Variants in MMS22L observed in about 807,000 individuals in gnomAD.
The protein encoded by MMS22L is protein MMS22-like.
Under a neutral mutation model 159.1 loss-of-function variants are expected in MMS22L, and 74 were observed. The observed-to-expected ratio is 0.47, with a 90% CI of 0.39 to 0.56. MMS22L has a LOEUF of 0.56. MMS22L is among the 20% of genes least tolerant of loss of function. The probability of loss-of-function intolerance (pLI) is 0.00; values close to 1 mark genes in which losing one functional copy is unlikely to be tolerated. For missense variants in MMS22L, 1,351 were observed against 1,422.1 expected, an observed-to-expected ratio of 0.95 and a Z score of 0.80; for synonymous variants, 517 against 506.9, an observed-to-expected ratio of 1.02 and a Z score of -0.27.
chr6:97,145,178 C>T lies in MMS22L; in HGVS notation c.*1628G>A, dbSNP rs888661903. On this transcript the variant is annotated 3_prime_UTR_variant, in exon 25 of 25. Transcript: ENST00000683635. ...CATACATTATTTGTTTAGTAAGTCACTATCATGATGAAAAGAAATTCAGTG... is the reference window on the plus strand; with the variant it reads ...CATACATTATTTGTTTAGTAAGTCATTATCATGATGAAAAGAAATTCAGTG... 3 of 152,016 alleles carry T rather than the reference C, an allele frequency of 2.0e-5. No individual in the cohort carries two copies. The highest frequency in any genetic ancestry group is 7.3e-5 in the African/African-American group (3 of 41,378). The allele number at this position is 152,016 out of a possible 1,614,324, so 9.4% of individuals were successfully genotyped here.
chr6:97,149,852 C>T lies in MMS22L; in HGVS notation c.3650+1G>A, dbSNP rs1274573992. On this transcript the variant is annotated splice_donor_variant, in intron 24 of 24. Transcript: ENST00000683635. LOFTEE classifies it high-confidence loss of function. ...CAATGTAATTAAATTATCAAACATACCTTTGTGCTATATTCCTGCCAAGGC... is the reference window on the plus strand; with the variant it reads ...CAATGTAATTAAATTATCAAACATATCTTTGTGCTATATTCCTGCCAAGGC... 4 of 1,601,588 alleles carry T rather than the reference C, an allele frequency of 2.5e-6. No homozygotes were observed. The Admixed American group carries it at 5.1e-5, about 21-fold the overall frequency.
intron 22 of MMS22L, among the ~76,000 whole-genome samples, chr6:97,161,589 G>A (rs1011991424): frequency 6.6e-6 from 1 of 151,890 alleles, no homozygotes; most frequent in Non-Finnish European, 1.5e-5. Flanking sequence ...GACCCCTACC[G>A]GTTTGCCTCA....
intron 14 of MMS22L, among the ~76,000 whole-genome samples, chr6:97,215,167 A>C (rs1195822148): frequency 6.7e-6 from 1 of 150,254 alleles, no homozygotes; most frequent in East Asian, 1.9e-4. Flanking sequence ...AGAGCTCAAG[A>C]TTCCTTGAAA....
intron 14 of MMS22L, among the ~76,000 whole-genome samples, chr6:97,191,010 C>T (rs1805805541): frequency 6.6e-6 from 1 of 152,188 alleles, no homozygotes; most frequent in African/African-American, 2.4e-5. Flanking sequence ...TCATTATCTT[C>T]AAGTATTTTC....
intron 14 of MMS22L, among the ~76,000 whole-genome samples, chr6:97,210,875 A>G (rs558608475): frequency 6.6e-5 from 10 of 152,106 alleles, no homozygotes; most frequent in African/African-American, 2.2e-4. Context: ...GCCACTTACC[A>G]TCTTCCATGA....
chr6:97,274,421 C>T (rs1206971267), intron 4 of MMS22L, among the ~76,000 whole-genome samples: 2 of 152,156 alleles, frequency 1.3e-5, no homozygotes, highest in Non-Finnish European at 2.9e-5. Flanking sequence ...TGAACATCTG[C>T]ATCCAGGCAA....
At chr6:97,180,104 T>A (rs1318169173) in intron 16 of MMS22L, among the ~76,000 whole-genome samples, 1 of 152,172 alleles carries the variant, frequency 6.6e-6, no homozygotes, top group African/African-American at 2.4e-5. Context: ...TGGTTTTTTT[T>A]TTCTCTTTTT....
chr6:97,240,884 C>T (rs544282809), intron 11 of MMS22L, among the ~76,000 whole-genome samples: 2 of 152,274 alleles, frequency 1.3e-5, no homozygotes, highest in African/African-American at 2.4e-5. Context: ...GCCTTGGCCT[C>T]CCAAAGTGCT....
rs759391998 is a variant in MMS22L, at chr6:97,233,817, A to G, written c.1302+44T>C. 3 of 1,554,120 alleles carry G rather than the reference A, an allele frequency of 1.9e-6. No individual in the cohort carries two copies. In the South Asian group the frequency reaches 3.7e-5, roughly 19 times the overall value. On this transcript the variant is annotated intron_variant, in intron 12 of 24. Coordinates refer to ENST00000683635, the MANE Select transcript of MMS22L (RefSeq NM_001350599.2). ...TAAAGACATTCCTCAAATATGTACA[A>G]ATTTTTAAAATTCCTGGAGCAAATT...
chr6:97,206,382 T>TGTACAC (rs144847883), intron 14 of MMS22L, among the ~76,000 whole-genome samples: 1 of 146,738 alleles, frequency 6.8e-6, no homozygotes, highest in South Asian at 2.2e-4. Flanking sequence ...ACCTCGCATG[T>TGTACAC]ACACACACAC....
Position 97,146,100 on chromosome 6 carries a change from T to G in MMS22L, c.*706A>C, listed in dbSNP as rs975204815. 1.3e-5 allele frequency: 2 copies of G among 150,916 alleles called. No individual in the cohort carries two copies. Among genetic ancestry groups the G allele is most frequent in the African/African-American group, 4.9e-5 (2 of 41,064 alleles). 9.3% of individuals were successfully genotyped at this position (150,916 alleles called of 1,614,324 possible). On this transcript the variant is annotated 3_prime_UTR_variant, in exon 25 of 25. Coordinates refer to ENST00000683635, the MANE Select transcript of MMS22L (RefSeq NM_001350599.2). The stretch of plus-strand genomic sequence containing the variant: ...TTATTTCCTCCTCCTGATATGATTT[T>G]TTTTTTAATGACAACTCCAAAAGAA...
intron 10 of MMS22L, among the ~76,000 whole-genome samples, chr6:97,251,241 G>A (rs1006530684): frequency 6.6e-6 from 1 of 152,116 alleles, no homozygotes; most frequent in Non-Finnish European, 1.5e-5. Flanking sequence ...GCAATCCTTA[G>A]GAGAAATCTA....
intron 18 of MMS22L, 84 bp from the exon 19 acceptor site, chr6:97,173,306 T>C: frequency 7.7e-7 from 1 of 1,302,314 alleles, no homozygotes; most frequent in Non-Finnish European, 1.1e-6. Context: ...TTCTCTCTTT[T>C]TCTACATACG....
chr6:97,278,733 G>A (rs1392226294), intron 4 of MMS22L, 116 bp downstream of exon 4: 18 of 735,620 alleles, frequency 2.4e-5, no homozygotes, highest in Non-Finnish European at 3.9e-5. Context: ...GTAAACTTCT[G>A]GCCTAATGCT....
At position 97,146,857 on chromosome 6, in the gene MMS22L, A is replaced by G; in HGVS notation, c.3681T>C (p.Leu1227=). The G allele has an allele frequency of 6.4e-7, 1 of 1,562,878 alleles. No homozygotes were observed. The highest frequency in any genetic ancestry group is 8.6e-7 in the Non-Finnish European group (1 of 1,163,748). The change falls in exon 25 of 25, where the codon CTT becomes CTC. Residue 1227 remains leucine (L), a synonymous_variant. Transcript: ENST00000683635. The part of the protein sequence containing the change: ...REAYSKLLSH[L]GQMGQDEMQR... ...GCATCTCATCTTGTCCCATCTGTCC[A>G]AGGTGAGACAAAAGTTTGCTATAGG... is the stretch of plus-strand genomic sequence containing the variant.
In MMS22L at chr6:97,151,756, A is replaced by G. The variant is rs1265684553; in HGVS notation, c.3482+15T>C. 1.2e-5 allele frequency: 19 copies of G among 1,606,658 alleles called. No homozygotes were observed. The highest frequency in any genetic ancestry group is 1.4e-5 in the Non-Finnish European group (17 of 1,174,148). On this transcript the variant is annotated intron_variant, in intron 23 of 24. Transcript: ENST00000683635. ...GGCAATAGTTTCCTTGCCAGGTGGC[A>G]TATTTTCCAGTTACCTAAACACAGA...
intron 22 of MMS22L, among the ~76,000 whole-genome samples, chr6:97,157,764 A>G (rs1475840598): frequency 6.6e-6 from 1 of 152,140 alleles, no homozygotes; most frequent in East Asian, 1.9e-4. Context: ...CATCAGGGAT[A>G]TTGATCTAAA....
At chr6:97,187,880 A>G (rs1381047034) in intron 14 of MMS22L, among the ~76,000 whole-genome samples, 1 of 152,204 alleles carries the variant, frequency 6.6e-6, no homozygotes. Flanking sequence ...ACTGTATAAC[A>G]TTAGGGCCTT....
At chr6:97,185,033 TTCAGACTTCTGCAAAGCATGGTCTC>T (rs1350553304) in intron 15 of MMS22L, among the ~76,000 whole-genome samples, 2 of 152,178 alleles carry the variant, frequency 1.3e-5, no homozygotes, top group Admixed American at 1.3e-4. Context: ...TGTTCTTGCC[TTCAGACTTCTGCAAAGCATGGTCTC>T]TCATCTCCTT....
Sources: gnomAD v4.1 joint callset for allele counts (sites outside exome capture counted in the v4.1 genomes callset) on GRCh38, gnomAD v4.1.1 for gene constraint, MANE v1.5 for transcripts, NCBI Gene and HGNC (gene_info 2026-07-23, HGNC 2026-07-21) for gene names.